The following SEMA4D variants were observed in gnomAD, a reference collection of about 807,000 sequenced individuals.
The protein encoded by SEMA4D is semaphorin 4D, also known as semaphorin-4D.
SEMA4D carries 22 observed loss-of-function variants against 74.8 expected under a neutral mutation model. The observed-to-expected ratio is 0.29, with a 90% CI of 0.21 to 0.42. The LOEUF is 0.42. Ranked by LOEUF, SEMA4D falls within the 10% of genes least tolerant of loss-of-function variation. The pLI, the probability that SEMA4D is intolerant of heterozygous loss-of-function variation, is 1.00. For missense variants in SEMA4D, 937 were observed against 1,118.4 expected (o/e 0.84, Z 2.31); for synonymous variants, 445 against 463.7 (o/e 0.96, Z 0.52).
intron 1 of SEMA4D, among the ~76,000 whole-genome samples, chr9:89,496,282 C>G (rs1219695108): frequency 6.6e-6 from 1 of 152,196 alleles, no homozygotes; most frequent in East Asian, 1.9e-4. Context: ...TTGTGCTGTG[C>G]TGCAAGACCT....
chr9:89,431,590 T>C lies in SEMA4D; in HGVS notation c.-244+24298A>G, dbSNP rs912959127. ...ATAGCTCACTGCAGCCTTGAGCTCC[T>C]GGGCTCAAGTGATCCTCCCACCTCA... On this transcript the variant is annotated intron_variant, in intron 2 of 15. Transcript: ENST00000422704. Among the ~76,000 whole-genome samples the C allele has an allele frequency of 5.3e-5, 8 of 152,328 alleles. No individual in the cohort carries two copies. The South Asian group carries it at 1.7e-3, about 32-fold the overall frequency.
chr9:89,365,607 TTAG>T (rs149179808), intron 16 of SEMA4D: 1,891 of 152,344 alleles, frequency 0.012, 40 homozygotes, highest in African/African-American at 0.043. Flanking sequence ...TGGAGAATGC[TTAG>T]TAGTGAAAAG....
chr9:89,489,001 A>G (rs925585279), intron 1 of SEMA4D, among the ~76,000 whole-genome samples: 6 of 152,356 alleles, frequency 3.9e-5, no homozygotes, highest in African/African-American at 7.2e-5. Flanking sequence ...ACACTTCACA[A>G]AAGAATATAC....
At chr9:89,419,570 T>C (rs1018111277) in intron 2 of SEMA4D, among the ~76,000 whole-genome samples, 1 of 152,196 alleles carries the variant, frequency 6.6e-6, no homozygotes, top group Non-Finnish European at 1.5e-5. Context: ...CAGAGATTCA[T>C]ACATAAATAA....
intron 2 of SEMA4D, among the ~76,000 whole-genome samples, chr9:89,454,297 A>T (rs1855399001): frequency 6.6e-6 from 1 of 152,106 alleles, no homozygotes; most frequent in Non-Finnish European, 1.5e-5. Flanking sequence ...ACATCTTGAA[A>T]CGCCTTCTAA....
chr9:89,404,394 C>T (rs531639529), intron 3 of SEMA4D, among the ~76,000 whole-genome samples: 1 of 152,318 alleles, frequency 6.6e-6, no homozygotes, highest in Middle Eastern at 3.4e-3. Flanking sequence ...ACGAGCCTTG[C>T]TGAGTATCTA....
intron 2 of SEMA4D, among the ~76,000 whole-genome samples, chr9:89,441,455 G>A (rs117406415): frequency 0.01 from 1,588 of 152,370 alleles, 16 homozygotes; most frequent in Middle Eastern, 0.078. Flanking sequence ...TGTGGCCGAG[G>A]TGATGATGGC....
chr9:89,371,957 G>GGT (rs1835005903), intron 16 of SEMA4D, among the ~76,000 whole-genome samples: 29 of 140,672 alleles, frequency 2.1e-4, no homozygotes, highest in Admixed American at 2.8e-4. Context: ...TGTGGGGTGT[G>GGT]GTGTGTGTGG....
chr9:89,461,269 T>C (rs1471958815), intron 1 of SEMA4D, among the ~76,000 whole-genome samples: 1 of 152,086 alleles, frequency 6.6e-6, no homozygotes, highest in Non-Finnish European at 1.5e-5. Flanking sequence ...ATGCCAGGGA[T>C]ATCAGGAACC....
At chr9:89,362,292 A>G in exon 19 of SEMA4D, 1 of 1,594,262 alleles carries the variant, frequency 6.3e-7, no homozygotes, top group Non-Finnish European at 8.6e-7. Flanking sequence ...AGGCTTGGGC[A>G]AGACAGTTCA....
At chr9:89,413,671 T>C (rs142622277) in intron 2 of SEMA4D, among the ~76,000 whole-genome samples, 1 of 152,364 alleles carries the variant, frequency 6.6e-6, no homozygotes, top group African/African-American at 2.4e-5. Context: ...GTGCATCTGC[T>C]TGGATCTCTG....
chr9:89,463,853 G>C (rs1433648311), intron 1 of SEMA4D, among the ~76,000 whole-genome samples: 1 of 151,314 alleles, frequency 6.6e-6, no homozygotes, highest in African/African-American at 2.4e-5. Context: ...AGGCTTGCTT[G>C]AACCCAGGAG....
At chr9:89,363,811 C>T (rs1275307680) in exon 17 of SEMA4D, 3 of 1,614,000 alleles carry the variant, frequency 1.9e-6, no homozygotes, top group Admixed American at 1.7e-5. Context: ...AGCAGCGATA[C>T]TCAGCGCTTT....
chr9:89,464,643 CA>C (rs1416353717), intron 1 of SEMA4D, among the ~76,000 whole-genome samples: 4 of 152,214 alleles, frequency 2.6e-5, no homozygotes, highest in Non-Finnish European at 4.4e-5. Context: ...CTGGTCTCCC[CA>C]GAGTGAAGCA....
chr9:89,385,207 A>G (rs1838179530), intron 13 of SEMA4D: 1 of 950,982 alleles, frequency 1.1e-6, no homozygotes. Flanking sequence ...ATCAGTGCCC[A>G]TGTGCCCTGG....
intron 1 of SEMA4D, among the ~76,000 whole-genome samples, chr9:89,478,072 A>G (rs1215243579): frequency 1.3e-5 from 2 of 152,244 alleles, no homozygotes; most frequent in African/African-American, 2.4e-5. Context: ...AGCCCTGCTG[A>G]AATATATCCT....
At chr9:89,389,500 C>T (rs35081973) in intron 9 of SEMA4D, among the ~76,000 whole-genome samples, 24,829 of 152,244 alleles carry the variant, frequency 0.16, 2,662 homozygotes, top group Non-Finnish European at 0.23. Flanking sequence ...GGCCCTGCAG[C>T]CTGTCTTGGG....
chr9:89,464,441 C>CA (rs1362653545), intron 1 of SEMA4D, among the ~76,000 whole-genome samples: 1 of 152,044 alleles, frequency 6.6e-6, no homozygotes, highest in African/African-American at 2.4e-5. Flanking sequence ...AGGGCGCAGC[C>CA]AGGCTGCCTC....
chr9:89,491,119 A>T (rs1344790653), intron 1 of SEMA4D, among the ~76,000 whole-genome samples: 2 of 152,252 alleles, frequency 1.3e-5, no homozygotes, highest in Non-Finnish European at 2.9e-5. Context: ...GTAGGACAGC[A>T]TTGCCTCTAG....
Sources: gnomAD v4.1 joint callset for allele counts (sites outside exome capture counted in the v4.1 genomes callset) on GRCh38, gnomAD v4.1.1 for gene constraint, MANE v1.5 for transcripts, NCBI Gene and HGNC (gene_info 2026-07-23, HGNC 2026-07-21) for gene names.